Variants in PLCZ1 observed in about 807,000 individuals in gnomAD.
PLCZ1 encodes phospholipase C zeta 1.
A neutral mutation model predicts 76.8 loss-of-function variants in PLCZ1; 64 were observed. That is an observed-to-expected ratio of 0.83 (90% CI 0.68 to 1.03). The LOEUF (loss-of-function observed/expected upper bound fraction) is 1.03, where lower values mean the gene tolerates loss of function less well. PLCZ1 is among the 50% of genes least tolerant of loss of function. The pLI, the probability that PLCZ1 is intolerant of heterozygous loss-of-function variation, is 0.00. For synonymous variants in PLCZ1, 248 were observed against 230.8 expected (o/e 1.07, Z -0.68); for missense variants, 751 against 713.7 (o/e 1.05, Z -0.60).
chr12:18,720,998 T>G (rs779551364), intron 4 of PLCZ1, among the ~76,000 whole-genome samples: 3 of 152,062 alleles, frequency 2.0e-5, no homozygotes, highest in Non-Finnish European at 4.4e-5. Context: ...AATGAAATTT[T>G]TATAGGTATA....
intron 12 of PLCZ1, chr12:18,693,114 G>C (rs1954381394): frequency 1.3e-6 from 2 of 1,522,094 alleles, no homozygotes; most frequent in African/African-American, 1.4e-5. Context: ...AGGAATCTTG[G>C]AAGAGATCAT....
chr12:18,708,980 T>C (rs113980699), intron 6 of PLCZ1, among the ~76,000 whole-genome samples: 7,843 of 152,206 alleles, frequency 0.052, 289 homozygotes, highest in Non-Finnish European at 0.077. Flanking sequence ...TTTTGTTGGT[T>C]GATTGTTTCC....
chr12:18,667,455 A>T, the PLCZ1 span, among the ~76,000 whole-genome samples: 2 of 152,186 alleles, frequency 1.3e-5, no homozygotes, highest in African/African-American at 4.8e-5. Context: ...GTCTTTGACA[A>T]CACTAAGTAC....
chr12:18,660,430 AG>A, the PLCZ1 span, among the ~76,000 whole-genome samples: 1 of 152,102 alleles, frequency 6.6e-6, no homozygotes, highest in Non-Finnish European at 1.5e-5. Flanking sequence ...AGTGAGATCC[AG>A]GGGGGTTTAA....
At chr12:18,685,241 C>CT (rs1202262210) in intron 13 of PLCZ1, among the ~76,000 whole-genome samples, 1 of 151,974 alleles carries the variant, frequency 6.6e-6, no homozygotes, top group Non-Finnish European at 1.5e-5. Context: ...ATTTCAATCT[C>CT]TAAGAAAATA....
At chr12:18,725,917 T>C (rs1675545966) in intron 3 of PLCZ1, among the ~76,000 whole-genome samples, 1 of 152,120 alleles carries the variant, frequency 6.6e-6, no homozygotes, top group Admixed American at 6.6e-5. Context: ...AAATATCCCT[T>C]CTCTGGGTTC....
chr12:18,703,739 C>T (rs966183261), intron 7 of PLCZ1, among the ~76,000 whole-genome samples: 3 of 152,030 alleles, frequency 2.0e-5, no homozygotes, highest in Non-Finnish European at 2.9e-5. Flanking sequence ...TCACTTTTTC[C>T]CACACCAGGA....
Position 18,691,136 on chromosome 12 carries a change from T to C in PLCZ1, c.1462-2918A>G, listed in dbSNP as rs138203678. The stretch of plus-strand genomic sequence containing the variant: ...CAAGAGAATGGAGAAGGAAAATATT[T>C]AGGAATAGAATCAGCAGAATTTAAC... On this transcript the variant is annotated intron_variant, in intron 12 of 14. Coordinates refer to ENST00000266505, the MANE Select transcript of PLCZ1 (RefSeq NM_033123.4). Among the ~76,000 whole-genome samples, 26 of 152,100 alleles carry C rather than the reference T, an allele frequency of 1.7e-4. No individual in the cohort carries two copies. The East Asian group carries it at 5.0e-3, about 29-fold the overall frequency.
intron 14 of PLCZ1, chr12:18,683,571 C>A (rs1342514249): frequency 2.9e-5 from 43 of 1,470,060 alleles, no homozygotes; most frequent in Non-Finnish European, 3.6e-5. Flanking sequence ...GCTGCATGAT[C>A]CAAAATTAGC....
chr12:18,695,803 G>A (rs142758329), intron 11 of PLCZ1, among the ~76,000 whole-genome samples: 2 of 152,164 alleles, frequency 1.3e-5, no homozygotes, highest in East Asian at 3.9e-4. Flanking sequence ...AATGATAGAG[G>A]TCACTTGATT....
intron 6 of PLCZ1, among the ~76,000 whole-genome samples, chr12:18,706,879 G>A (rs1956670022): frequency 6.6e-6 from 1 of 152,226 alleles, no homozygotes; most frequent in Non-Finnish European, 1.5e-5. Flanking sequence ...GTCACCAGAA[G>A]TTTGAAATCA....
intron 6 of PLCZ1, 80 bp from the exon 7 acceptor site, chr12:18,705,395 A>G (rs1956473725): frequency 4.6e-6 from 7 of 1,523,872 alleles, no homozygotes; most frequent in Admixed American, 1.7e-5. Flanking sequence ...TGCTTAATGT[A>G]TTTTAAAACT....
the PLCZ1 span, among the ~76,000 whole-genome samples, chr12:18,659,585 A>C: frequency 6.6e-6 from 1 of 151,796 alleles, no homozygotes; most frequent in Non-Finnish European, 1.5e-5. Context: ...TAGTGAAAGG[A>C]TATCCACATT....
At chr12:18,650,360 T>TAC in the PLCZ1 span, among the ~76,000 whole-genome samples, 1 of 138,822 alleles carries the variant, frequency 7.2e-6, no homozygotes, top group African/African-American at 2.9e-5. Context: ...TGTGTGTGTG[T>TAC]GTGTGTGTGT....
intron 6 of PLCZ1, among the ~76,000 whole-genome samples, chr12:18,708,733 T>C (rs1592173724): frequency 1.3e-5 from 2 of 152,244 alleles, no homozygotes; most frequent in East Asian, 1.9e-4. Context: ...TATCTCATAG[T>C]GGTTTTGATT....
At chr12:18,650,519 T>C in the PLCZ1 span, among the ~76,000 whole-genome samples, 4 of 150,492 alleles carry the variant, frequency 2.7e-5, no homozygotes, top group South Asian at 2.1e-4. Context: ...AATTAAGCTA[T>C]TTTGTATGCT....
At chr12:18,689,221 G>T (rs1592006801) in intron 12 of PLCZ1, among the ~76,000 whole-genome samples, 2 of 151,978 alleles carry the variant, frequency 1.3e-5, no homozygotes, top group Non-Finnish European at 2.9e-5. Context: ...CACTTTACAG[G>T]TAATAGACCC....
intron 5 of PLCZ1, among the ~76,000 whole-genome samples, chr12:18,718,875 T>G (rs1958262937): frequency 6.6e-6 from 1 of 152,192 alleles, no homozygotes; most frequent in African/African-American, 2.4e-5. Context: ...TGAAGTCTGG[T>G]ATTAACAGTA....
chr12:18,650,726 A>ATATCTATATC, the PLCZ1 span, among the ~76,000 whole-genome samples: 1 of 21,534 alleles, frequency 4.6e-5, no homozygotes, highest in Non-Finnish European at 7.5e-5. Flanking sequence ...ATATATATAT[A>ATATCTATATC]TATATATATA....
Sources: allele counts gnomAD v4.1 joint callset (sites outside exome capture counted in the v4.1 genomes callset), GRCh38; gene constraint gnomAD v4.1.1; transcripts MANE v1.5; gene names NCBI Gene and HGNC (gene_info 2026-07-23, HGNC 2026-07-21).